The following HBP1 variants were observed in gnomAD, a reference collection of about 807,000 sequenced individuals.
HBP1 encodes the protein HMG box-containing protein 1.
Under a neutral mutation model 62.6 loss-of-function variants are expected in HBP1, and 20 were observed. The ratio of observed to expected loss-of-function variants is 0.32; its 90% CI spans 0.22 to 0.46. The LOEUF is 0.46. Ranked by LOEUF, HBP1 falls within the 20% of genes least tolerant of loss-of-function variation. HBP1 has a pLI of 1.00. For missense variants in HBP1, 480 were observed against 611.8 expected (o/e 0.78, Z 2.27); for synonymous variants, 232 against 206.2 (o/e 1.12, Z -1.07).
chr7:107,199,146 C>T (rs1798076091), intron 9 of HBP1, among the ~76,000 whole-genome samples: 2 of 151,994 alleles, frequency 1.3e-5, no homozygotes, highest in Admixed American at 6.6e-5. Flanking sequence ...AGTGCAGTGG[C>T]GGGATATCGG....
rs147831851 is a variant in HBP1, at chr7:107,174,466, T to G, written c.-16+5281T>G. The G allele has an allele frequency of 6.0e-5, 59 of 985,276 alleles. 1 individual carries two copies. The African/African-American group carries it at 9.4e-4, about 16-fold the overall frequency. The allele number at this position is 985,276 out of a possible 1,614,324, so 61.0% of individuals were successfully genotyped here. ...ATTTAAGGAGTTTTGGGATGGTGGTTGATAACTAAGACAAAGTGCTGAAGA... is the reference window on the plus strand; with the variant it reads ...ATTTAAGGAGTTTTGGGATGGTGGTGGATAACTAAGACAAAGTGCTGAAGA... On this transcript the variant is annotated intron_variant, in intron 1 of 10. Transcript: ENST00000222574.
chr7:107,170,811 GGA>G lies in HBP1; in HGVS notation c.-16+1627_-16+1628del, dbSNP rs532279499. Among the ~76,000 whole-genome samples, 643 of 151,120 alleles carry G rather than the reference GGA, an allele frequency of 4.3e-3. 1 individual carries two copies. Among genetic ancestry groups the G allele is most frequent in the Non-Finnish European group, 6.9e-3 (468 of 67,862 alleles). On this transcript the variant is annotated intron_variant, in intron 1 of 10. Coordinates refer to ENST00000222574, the MANE Select transcript of HBP1 (RefSeq NM_012257.4). ...CTAGTTAAAAGGGTACCTTCTCCCA[GGA>G]TTGCCCACCTACATGTCTCCGCTAT...
intron 1 of HBP1, among the ~76,000 whole-genome samples, chr7:107,171,937 G>A (rs577676694): frequency 6.7e-6 from 1 of 149,538 alleles, no homozygotes; most frequent in East Asian, 2.0e-4. Flanking sequence ...TACTTAGAAT[G>A]GAAAAATAAA....
At chr7:107,198,894 A>AAAT (rs1371904146) in intron 9 of HBP1, among the ~76,000 whole-genome samples, 3 of 152,188 alleles carry the variant, frequency 2.0e-5, no homozygotes, top group Admixed American at 2.0e-4. Context: ...TTTTAGCTTA[A>AAAT]AATAATAAAT....
intron 1 of HBP1, among the ~76,000 whole-genome samples, chr7:107,177,096 A>T (rs1349280729): frequency 6.6e-6 from 1 of 152,212 alleles, no homozygotes; most frequent in Admixed American, 6.5e-5. Flanking sequence ...AAGTATGTTT[A>T]ATATTGCCCT....
rs760759268 is a variant in HBP1, at chr7:107,195,951, A to T, written c.1185A>T (p.Gly395=). 1.9e-6 allele frequency: 3 copies of T among 1,614,050 alleles called. No homozygotes were observed. Among genetic ancestry groups the T allele is most frequent in the Middle Eastern group, 1.6e-4 (1 of 6,062 alleles). Residue 395 remains glycine (G), a synonymous_variant, in exon 9 of 11, where the codon GGA becomes GGT. Coordinates refer to ENST00000222574, the MANE Select transcript of HBP1 (RefSeq NM_012257.4). ...GTGGTCAAGACTTTGCAAGATCTGG[A>T]TTCAGTAAAAACTGTGGCTCACCTG... ...GPGGQDFARS[G]FSKNCGSPGS... is the part of the protein sequence containing the mutation.
rs1296596701 is a variant in HBP1 at position 107,202,106 on chromosome 7, A to AAAGTT, written c.*677_*681dup. 6.5e-5 allele frequency: 10 copies of AAAGTT among 152,706 alleles called. No homozygotes were observed. The highest frequency in any genetic ancestry group is 1.5e-5 in the Non-Finnish European group (1 of 68,050). 9.5% of individuals were successfully genotyped at this position (152,706 alleles called of 1,614,324 possible). Reference sequence around the variant, plus strand: ...ATGGAGACCTAGCCCAGGCCAAGGTAAAGTTAGTTAATAGCATTGGGATAT... The same window carrying AAAGTT: ...ATGGAGACCTAGCCCAGGCCAAGGTAAAGTTAAGTTAGTTAATAGCATTGGGATAT... On this transcript the variant is annotated 3_prime_UTR_variant, in exon 11 of 11. Coordinates refer to ENST00000222574, the MANE Select transcript of HBP1 (RefSeq NM_012257.4).
In HBP1 at chr7:107,171,067, A is replaced by ATTTTT. The variant is rs1395508929; in HGVS notation, c.-16+1883_-16+1884insTTTTT. Among the ~76,000 whole-genome samples, 17 of 66,666 alleles carry ATTTTT rather than the reference A, an allele frequency of 2.6e-4. 1 individual carries two copies. The highest frequency in any genetic ancestry group is 1.9e-3 in the African/African-American group (14 of 7,184). The allele number at this position is 66,666 out of a possible 152,430, so 43.7% of individuals were successfully genotyped here. A position where few individuals can be genotyped will look rare whatever the true frequency, so the allele number is the denominator to read the frequency against. ...TATAAATATATATATATATATATAT[A>ATTTTT]TATATATTTTTTTTTTTTTTTGAGA... On this transcript the variant is annotated intron_variant, in intron 1 of 10. Transcript: ENST00000222574.
chr7:107,172,010 A>G (rs1796624385), intron 1 of HBP1, among the ~76,000 whole-genome samples: 1 of 152,174 alleles, frequency 6.6e-6, no homozygotes. Context: ...ATTCAGGGAA[A>G]AATGGCATAC....
intron 2 of HBP1, 58 bp from the exon 3 acceptor site, chr7:107,182,315 A>T: frequency 1.1e-6 from 1 of 918,138 alleles, no homozygotes; most frequent in South Asian, 1.3e-5. Flanking sequence ...TGCAGTTATA[A>T]TATTGTTCCT....
chr7:107,171,322 G>A (rs1408601340), intron 1 of HBP1, among the ~76,000 whole-genome samples: 2 of 151,024 alleles, frequency 1.3e-5, no homozygotes. Context: ...TGCCCGCCTC[G>A]GCCTCCCAAA....
intron 1 of HBP1, among the ~76,000 whole-genome samples, chr7:107,170,283 C>T (rs954495978): frequency 2.0e-5 from 3 of 152,266 alleles, no homozygotes; most frequent in East Asian, 3.9e-4. Context: ...TTAATACTTC[C>T]CTCTGAATAG....
intron 8 of HBP1, among the ~76,000 whole-genome samples, chr7:107,192,370 CTG>C (rs998965047): frequency 5.9e-5 from 9 of 151,896 alleles, no homozygotes; most frequent in South Asian, 4.2e-4. Flanking sequence ...TAATGAAACA[CTG>C]TATCTTATAT....
chr7:107,181,673 C>G (rs1797113977), intron 2 of HBP1, among the ~76,000 whole-genome samples: 1 of 150,330 alleles, frequency 6.7e-6, no homozygotes, highest in African/African-American at 2.4e-5. Flanking sequence ...TTTTTTTAAG[C>G]CTTCAAGATG....
At chr7:107,185,160 A>G (rs1337783893) in intron 3 of HBP1, among the ~76,000 whole-genome samples, 3 of 152,188 alleles carry the variant, frequency 2.0e-5, no homozygotes, top group Non-Finnish European at 4.4e-5. Context: ...AAAGAGGGCA[A>G]GGGATAAAGT....
intron 1 of HBP1, among the ~76,000 whole-genome samples, chr7:107,179,292 A>G (rs1403524533): frequency 1.3e-5 from 2 of 152,238 alleles, no homozygotes; most frequent in East Asian, 3.8e-4. Flanking sequence ...TAGGTTAAAT[A>G]AAAGTATATA....
chr7:107,186,730 C>T (rs1249577125), intron 6 of HBP1, 49 bp downstream of exon 6: 1 of 1,022,972 alleles, frequency 9.8e-7, no homozygotes, highest in Non-Finnish European at 1.5e-6. Context: ...CCAAATGAAA[C>T]AAGATTTATT....
At position 107,169,021 on chromosome 7, in the gene HBP1, G is replaced by A. The variant is rs1442817829; in HGVS notation, c.-180G>A. ...GCTTGAAAGACTTGGTAATGGCGAC[G>A]GGTTTGGTAAGTAGGAAAGTTTCGG... On this transcript the variant is annotated 5_prime_UTR_variant, in exon 1 of 11. Transcript: ENST00000222574. 18 of 1,288,962 alleles carry A rather than the reference G, an allele frequency of 1.4e-5. No individual in the cohort carries two copies. The highest frequency in any genetic ancestry group is 4.2e-4 in the Middle Eastern group (2 of 4,718). 79.8% of individuals were successfully genotyped at this position (1,288,962 alleles called of 1,614,324 possible).
In HBP1 at chr7:107,186,584, T is replaced by G. The variant is rs1244520050; in HGVS notation, c.668T>G (p.Phe223Cys). ...HCFLKGTRLC[F>C]HKGSNKEWQD... ...TAAACCTTAGGCACACGACTGTGCTTTCATAAGGGAAGCAATAAGGAATGG... is the reference window on the plus strand; with the variant it reads ...TAAACCTTAGGCACACGACTGTGCTGTCATAAGGGAAGCAATAAGGAATGG... Residue 223 changes from phenylalanine to cysteine, a missense_variant, in exon 6 of 11, where the codon TTT becomes TGT. Coordinates refer to ENST00000222574, the MANE Select transcript of HBP1 (RefSeq NM_012257.4). The G allele has an allele frequency of 6.2e-7, 1 of 1,612,726 alleles. No individual in the cohort carries two copies. The highest frequency in any genetic ancestry group is 1.7e-5 in the Admixed American group (1 of 59,990).
Sources: gnomAD v4.1 joint callset for allele counts (sites outside exome capture counted in the v4.1 genomes callset) on GRCh38, gnomAD v4.1.1 for gene constraint, MANE v1.5 for transcripts, NCBI Gene and HGNC (gene_info 2026-07-23, HGNC 2026-07-21) for gene names.